The following TSHZ3 variants were observed in gnomAD, a reference collection of about 807,000 sequenced individuals.
The protein encoded by TSHZ3 is teashirt homolog 3.
TSHZ3 carries 10 observed loss-of-function variants against 64.5 expected under a neutral mutation model. The ratio of observed to expected loss-of-function variants is 0.16; its 90% CI spans 0.10 to 0.26. The LOEUF (loss-of-function observed/expected upper bound fraction) is 0.26, where lower values mean the gene tolerates loss of function less well. TSHZ3 is among the 10% of genes least tolerant of loss of function. The pLI, the probability that TSHZ3 is intolerant of heterozygous loss-of-function variation, is 1.00. For synonymous variants in TSHZ3, 608 were observed against 593.1 expected, an observed-to-expected ratio of 1.03 and a Z score of -0.36; for missense variants, 1,242 against 1,421.7, an observed-to-expected ratio of 0.87 and a Z score of 2.03.
In TSHZ3 at chr19:31,176,687, G is replaced by T. The variant is rs954586660; in HGVS notation, n.810-20270C>A. 1.1e-3 allele frequency among the ~76,000 whole-genome samples: 172 copies of T among 152,270 alleles called. 1 individual carries two copies. The highest frequency in any genetic ancestry group is 3.1e-4 in the Non-Finnish European group (21 of 68,028). On this transcript the variant is annotated intron_variant and non_coding_transcript_variant, in intron 5 of 6. Coordinates refer to the TSHZ3 transcript ENST00000651361. The stretch of plus-strand genomic sequence containing the variant: ...CACCTATAGTCCCAGCTCCTAGGGA[G>T]GCTGAGGTGGGAGGATTGCTTGAGC...
chr19:31,322,146 G>T (rs377201760), intron 1 of TSHZ3, among the ~76,000 whole-genome samples: 21 of 151,470 alleles, frequency 1.4e-4, no homozygotes, highest in African/African-American at 4.4e-4. Flanking sequence ...GTTTTTTTTT[G>T]TTTTTCTCAG....
chr19:31,168,123 C>A (rs13346890), intron 5 of TSHZ3, among the ~76,000 whole-genome samples: 1 of 151,926 alleles, frequency 6.6e-6, no homozygotes, highest in Non-Finnish European at 1.5e-5. Flanking sequence ...AAAAAGTACT[C>A]GTGCATAATT....
chr19:31,207,004 TTTC>T (rs1405235929), intron 4 of TSHZ3, among the ~76,000 whole-genome samples: 14 of 152,204 alleles, frequency 9.2e-5, no homozygotes, highest in Non-Finnish European at 1.9e-4. Flanking sequence ...TAACAAGAAT[TTTC>T]TTCCAAAATT....
In TSHZ3 at chr19:31,340,338, C is replaced by CAAAAAAAAAAAAAAAAAA. The variant is rs1160334453; in HGVS notation, c.40+8824_40+8841dup. Among the ~76,000 whole-genome samples, 44 of 32,752 alleles carry CAAAAAAAAAAAAAAAAAA rather than the reference C, an allele frequency of 1.3e-3. 14 individuals carry two copies. Among genetic ancestry groups the CAAAAAAAAAAAAAAAAAA allele is most frequent in the East Asian group, 4.3e-3 (4 of 938 alleles). 21.5% of individuals were successfully genotyped at this position (32,752 alleles called of 152,430 possible). A position where few individuals can be genotyped will look rare whatever the true frequency, so the allele number is the denominator to read the frequency against. ...ATTAATTAGCAACAGGCCTACAGTA[C>CAAAAAAAAAAAAAAAAAA]AAAAAAAAAAAAAAAAAAAAAAAAA... On this transcript the variant is annotated intron_variant, in intron 1 of 1. Transcript: ENST00000240587.
intron 1 of TSHZ3, among the ~76,000 whole-genome samples, chr19:31,285,539 T>C (rs1976444811): frequency 6.7e-6 from 1 of 150,200 alleles, no homozygotes; most frequent in Non-Finnish European, 1.5e-5. Context: ...TCCTAGCACT[T>C]TGGGAGGCCG....
chr19:31,347,453 G>C (rs902682312), intron 1 of TSHZ3, among the ~76,000 whole-genome samples: 13 of 151,544 alleles, frequency 8.6e-5, no homozygotes, highest in African/African-American at 3.2e-4. Context: ...TATCCAAAAA[G>C]GAAAGAAAAA....
intron 1 of TSHZ3, among the ~76,000 whole-genome samples, chr19:31,286,186 G>A (rs541946339): frequency 5.9e-5 from 9 of 152,166 alleles, no homozygotes; most frequent in Admixed American, 1.3e-4. Context: ...GACAGCCATC[G>A]ATCTCTCAAG....
chr19:31,322,788 GTGAA>G (rs1014764868), intron 1 of TSHZ3, among the ~76,000 whole-genome samples: 18 of 152,320 alleles, frequency 1.2e-4, no homozygotes, highest in Middle Eastern at 3.4e-3. Flanking sequence ...AAAGGAATGA[GTGAA>G]TGAATGAATG....
At chr19:31,173,806 C>T (rs189275287) in intron 5 of TSHZ3, among the ~76,000 whole-genome samples, 85 of 152,256 alleles carry the variant, frequency 5.6e-4, no homozygotes, top group Middle Eastern at 3.4e-3. Flanking sequence ...ACAGAATCAG[C>T]TCCCTGTAAT....
chr19:31,242,059 A>G (rs1308599699), intron 3 of TSHZ3, among the ~76,000 whole-genome samples: 2 of 152,140 alleles, frequency 1.3e-5, no homozygotes, highest in African/African-American at 4.8e-5. Flanking sequence ...TCCTCAGTGG[A>G]TTTTTAGGCA....
At chr19:31,196,429 G>A (rs892412597) in intron 5 of TSHZ3, among the ~76,000 whole-genome samples, 1 of 151,916 alleles carries the variant, frequency 6.6e-6, no homozygotes, top group Non-Finnish European at 1.5e-5. Flanking sequence ...AAAGAGCAAT[G>A]ATTGGTAAAC....
At chr19:31,331,432 T>C (rs1278490978) in intron 1 of TSHZ3, among the ~76,000 whole-genome samples, 2 of 152,180 alleles carry the variant, frequency 1.3e-5, no homozygotes, top group African/African-American at 4.8e-5. Flanking sequence ...TCTGTTTTGT[T>C]ACTGTTGTTT....
chr19:31,183,214 C>T (rs867257820), intron 5 of TSHZ3, among the ~76,000 whole-genome samples: 5,670 of 103,912 alleles, frequency 0.055, 183 homozygotes, highest in South Asian at 0.11. Flanking sequence ...CTCTCTCTCT[C>T]TCTCTCTCTC....
intron 1 of TSHZ3, among the ~76,000 whole-genome samples, chr19:31,283,245 A>T (rs1036697717): frequency 1.3e-5 from 2 of 152,190 alleles, no homozygotes; most frequent in Non-Finnish European, 2.9e-5. Context: ...GAGGCAGGCG[A>T]ATCACTTGAA....
intron 1 of TSHZ3, among the ~76,000 whole-genome samples, chr19:31,284,259 T>C (rs1976415935): frequency 6.6e-6 from 1 of 151,512 alleles, no homozygotes; most frequent in South Asian, 2.1e-4. Context: ...GTTAACAGGA[T>C]CCCCCATTCT....
Position 31,276,730 on chromosome 19 carries a change from G to C in TSHZ3, c.3063C>G (p.Thr1021=). ...TCACCATTTTTTCTGACGGTGACTT[G>C]GTTTGTGCTATCTGACTGTTAATCT... The part of the protein sequence containing the change: ...TEQINSQIAQ[T]KSPSEKMVTS... The change falls in exon 2 of 2, where the codon ACC becomes ACG. Residue 1021 remains threonine (T), a synonymous_variant. Transcript: ENST00000240587. The C allele has an allele frequency of 2.5e-6, 4 of 1,613,540 alleles. No homozygotes were observed. Among genetic ancestry groups the C allele is most frequent in the Non-Finnish European group, 2.5e-6 (3 of 1,179,450 alleles).
chr19:31,266,690 A>T (rs1478616605), intron 1 of TSHZ3, among the ~76,000 whole-genome samples: 1 of 152,212 alleles, frequency 6.6e-6, no homozygotes, highest in African/African-American at 2.4e-5. Context: ...AGTTCTAATA[A>T]ATCCCCATCT....
At chr19:31,176,290 C>T (rs1369753529) in intron 5 of TSHZ3, among the ~76,000 whole-genome samples, 2 of 151,982 alleles carry the variant, frequency 1.3e-5, no homozygotes, top group African/African-American at 2.4e-5. Context: ...GGGGTGGGCA[C>T]ATGTTTCAGA....
intron 1 of TSHZ3, among the ~76,000 whole-genome samples, chr19:31,316,321 C>T (rs1916601261): frequency 6.6e-6 from 1 of 152,204 alleles, no homozygotes; most frequent in Non-Finnish European, 1.5e-5. Context: ...AGCAGTAACA[C>T]TGGAATGCTT....
Sources: gnomAD v4.1 joint callset for allele counts (sites outside exome capture counted in the v4.1 genomes callset) on GRCh38, gnomAD v4.1.1 for gene constraint, MANE v1.5 for transcripts, NCBI Gene and HGNC (gene_info 2026-07-23, HGNC 2026-07-21) for gene names.